Variants in PIBF1 observed in about 807,000 individuals in gnomAD.
PIBF1 encodes progesterone-induced-blocking factor 1.
Under a neutral mutation model 112.5 loss-of-function variants are expected in PIBF1, and 90 were observed. The ratio of observed to expected loss-of-function variants is 0.80; its 90% CI spans 0.67 to 0.95. The LOEUF is 0.95. Ranked by LOEUF, PIBF1 falls within the 40% of genes least tolerant of loss-of-function variation. PIBF1 has a pLI of 0.00. For missense variants in PIBF1, 915 were observed against 852.3 expected (o/e 1.07, Z -0.92); for synonymous variants, 301 against 288.6 (o/e 1.04, Z -0.44).
intron 2 of PIBF1, among the ~76,000 whole-genome samples, chr13:72,791,885 C>T (rs1025202636): frequency 1.1e-4 from 16 of 152,100 alleles, no homozygotes; most frequent in South Asian, 4.2e-4. Flanking sequence ...CTGCCCGCCT[C>T]GGCCTCCCAA....
chr13:72,856,412 C>T (rs2038424842), intron 10 of PIBF1, among the ~76,000 whole-genome samples: 1 of 152,094 alleles, frequency 6.6e-6, no homozygotes, highest in South Asian at 2.1e-4. Flanking sequence ...CATAGTAAAG[C>T]CTTGCTTATT....
rs771279864 is a variant in PIBF1 at position 72,783,477 on chromosome 13, G to A, written c.8G>A (p.Arg3Gln). 1.8e-5 allele frequency: 28 copies of A among 1,590,960 alleles called. No individual in the cohort carries two copies. The East Asian group carries it at 2.7e-4, about 15-fold the overall frequency. The stretch of plus-strand genomic sequence containing the variant: ...TGATCCATAATAATAAAAATGTCTC[G>A]AAAAATTTCAAAGGAGTCAAAAAAA... MSRKISKESKKVN... is the reference protein window; with the variant it reads MSQKISKESKKVN... The change falls in exon 2 of 18, where the codon CGA (arginine) becomes CAA (glutamine). Residue 3 changes from arginine to glutamine, a missense_variant. Arg to Gln is a conservative substitution (Grantham distance 43). Coordinates refer to ENST00000326291, the MANE Select transcript of PIBF1 (RefSeq NM_006346.4).
At chr13:72,932,133 A>T (rs2041729946) in intron 14 of PIBF1, among the ~76,000 whole-genome samples, 1 of 151,710 alleles carries the variant, frequency 6.6e-6, no homozygotes, top group South Asian at 2.1e-4. Flanking sequence ...TGGTAGAGAC[A>T]GGGTTTCACC....
chr13:72,859,130 A>G (rs1279550046), intron 10 of PIBF1, among the ~76,000 whole-genome samples: 1 of 152,138 alleles, frequency 6.6e-6, no homozygotes, highest in Non-Finnish European at 1.5e-5. Flanking sequence ...TTTTAAGTGT[A>G]TGGCATAGAT....
chr13:72,810,888 G>T (rs548425551), intron 5 of PIBF1, among the ~76,000 whole-genome samples: 23 of 148,180 alleles, frequency 1.6e-4, no homozygotes, highest in African/African-American at 5.8e-4. Flanking sequence ...ACGGAGTCTC[G>T]TTCTGTTGCC....
Position 72,930,822 on chromosome 13 carries a change from A to G in PIBF1, c.1731-343A>G, listed in dbSNP as rs565212589. 2.0e-5 allele frequency among the ~76,000 whole-genome samples: 3 copies of G among 152,338 alleles called. No homozygotes were observed. In the South Asian group the frequency reaches 6.2e-4, roughly 32 times the overall value. On this transcript the variant is annotated intron_variant, in intron 13 of 17. Coordinates refer to ENST00000326291, the MANE Select transcript of PIBF1 (RefSeq NM_006346.4). The stretch of plus-strand genomic sequence containing the variant: ...ATTTTCTGATTTGTAATTGGAAAAT[A>G]TTTATAAAAGTGGAGACAAGCTGTA...
chr13:72,966,899 A>C (rs1566499085), intron 15 of PIBF1, among the ~76,000 whole-genome samples: 1 of 151,154 alleles, frequency 6.6e-6, no homozygotes, highest in Non-Finnish European at 1.5e-5. Context: ...ACAGAGTGAG[A>C]CTCTGTCTCA....
intron 5 of PIBF1, among the ~76,000 whole-genome samples, chr13:72,810,032 A>G (rs1249969471): frequency 1.3e-5 from 2 of 152,238 alleles, no homozygotes; most frequent in African/African-American, 2.4e-5. Context: ...ACACTGGAAA[A>G]TAGGGCTCAT....
intron 16 of PIBF1, among the ~76,000 whole-genome samples, chr13:72,990,840 T>G (rs1442833327): frequency 6.6e-6 from 1 of 152,196 alleles, no homozygotes; most frequent in Non-Finnish European, 1.5e-5. Context: ...AGAGCGAGAC[T>G]CCATCTCAAA....
intron 12 of PIBF1, among the ~76,000 whole-genome samples, chr13:72,913,330 A>C (rs2040962055): frequency 6.6e-6 from 1 of 152,200 alleles, no homozygotes; most frequent in African/African-American, 2.4e-5. Flanking sequence ...ATAACTGTAA[A>C]TACATATTGA....
intron 10 of PIBF1, among the ~76,000 whole-genome samples, chr13:72,891,868 C>T (rs976501463): frequency 1.3e-5 from 2 of 151,972 alleles, no homozygotes; most frequent in African/African-American, 2.4e-5. Flanking sequence ...GAATGTTATT[C>T]GGTTATAAAA....
intron 14 of PIBF1, among the ~76,000 whole-genome samples, chr13:72,961,377 C>CA (rs977419080): frequency 8.6e-5 from 13 of 151,930 alleles, no homozygotes; most frequent in Middle Eastern, 6.8e-3. Flanking sequence ...AGTGGAAAAC[C>CA]AAAAAATTGA....
At chr13:73,007,133 T>TAATC (rs1183263433) in intron 17 of PIBF1, among the ~76,000 whole-genome samples, 1 of 151,836 alleles carries the variant, frequency 6.6e-6, no homozygotes, top group Non-Finnish European at 1.5e-5. Flanking sequence ...GTTAAATGGT[T>TAATC]AATCCCATTA....
In PIBF1 at chr13:72,983,017, A is replaced by G. The variant is rs566738281; in HGVS notation, c.2049+9342A>G. Among the ~76,000 whole-genome samples the G allele has an allele frequency of 1.1e-3, 160 of 152,322 alleles. 1 individual carries two copies. The highest frequency in any genetic ancestry group is 3.4e-3 in the Middle Eastern group (1 of 294). On this transcript the variant is annotated intron_variant, in intron 16 of 17. Transcript: ENST00000326291. ...TTATCACACTTATACAGAATCATAT[A>G]TATTTGTGGAATATAAAACATCTGT...
chr13:72,958,167 A>G (rs2042501356), intron 14 of PIBF1, among the ~76,000 whole-genome samples: 1 of 151,922 alleles, frequency 6.6e-6, no homozygotes, highest in African/African-American at 2.4e-5. Flanking sequence ...AATGTAAAAC[A>G]GGCTTCTAGA....
chr13:72,994,074 C>T (rs1276381235), intron 16 of PIBF1, among the ~76,000 whole-genome samples: 1 of 151,020 alleles, frequency 6.6e-6, no homozygotes, highest in African/African-American at 2.4e-5. Context: ...ATTTGCACCA[C>T]CGCACTACAG....
chr13:72,833,842 C>T (rs2037230517), intron 8 of PIBF1, among the ~76,000 whole-genome samples: 2 of 152,206 alleles, frequency 1.3e-5, no homozygotes, highest in Non-Finnish European at 2.9e-5. Context: ...GCTGAAGCTG[C>T]ACCCACAGGC....
chr13:72,979,781 G>A (rs957963840), intron 16 of PIBF1, among the ~76,000 whole-genome samples: 8 of 152,074 alleles, frequency 5.3e-5, no homozygotes, highest in African/African-American at 1.9e-4. Context: ...ATTTAGCCAG[G>A]CATGGTGGTG....
chr13:72,865,330 A>G (rs1324909786), intron 10 of PIBF1, among the ~76,000 whole-genome samples: 3 of 152,192 alleles, frequency 2.0e-5, no homozygotes, highest in Admixed American at 6.5e-5. Flanking sequence ...CTATTAGAAA[A>G]CATGAAGCCC....
Sources: allele counts gnomAD v4.1 joint callset (sites outside exome capture counted in the v4.1 genomes callset), GRCh38; gene constraint gnomAD v4.1.1; transcripts MANE v1.5; gene names NCBI Gene and HGNC (gene_info 2026-07-23, HGNC 2026-07-21).